Variants in MSRA observed in about 807,000 individuals in gnomAD.
The protein encoded by MSRA is methionine sulfoxide reductase A, also known as mitochondrial peptide methionine sulfoxide reductase.
MSRA carries 54 observed loss-of-function variants against 31.3 expected under a neutral mutation model. That is an observed-to-expected ratio of 1.73 (90% CI 1.39 to 2.17). The LOEUF (loss-of-function observed/expected upper bound fraction) is 2.17, where lower values mean the gene tolerates loss of function less well. Ranked by LOEUF, MSRA falls within the 30% of genes most tolerant of loss-of-function variation. The probability of loss-of-function intolerance (pLI) is 0.00; values close to 1 mark genes in which losing one functional copy is unlikely to be tolerated. For missense variants in MSRA, 507 were observed against 300.9 expected, an observed-to-expected ratio of 1.69 and a Z score of -5.07; for synonymous variants, 169 against 116.5, an observed-to-expected ratio of 1.45 and a Z score of -2.90.
At chr8:10,247,228 A>G (rs1277901176) in intron 3 of MSRA, among the ~76,000 whole-genome samples, 3 of 152,212 alleles carry the variant, frequency 2.0e-5, no homozygotes, top group Non-Finnish European at 2.9e-5. Context: ...GAAGTATGTC[A>G]GCTTCTATCT....
At chr8:10,388,770 G>A (rs992006107) in intron 5 of MSRA, among the ~76,000 whole-genome samples, 1 of 151,904 alleles carries the variant, frequency 6.6e-6, no homozygotes, top group Non-Finnish European at 1.5e-5. Context: ...TCCGTGTTGG[G>A]GGAGGGGAAG....
At chr8:10,259,769 C>T (rs35226696) in intron 3 of MSRA, among the ~76,000 whole-genome samples, 31,470 of 152,130 alleles carry the variant, frequency 0.21, 3,907 homozygotes, top group Admixed American at 0.32. Flanking sequence ...CACCCTCTCC[C>T]GGACCTCAGC....
intron 3 of MSRA, among the ~76,000 whole-genome samples, chr8:10,267,214 A>G (rs1272845521): frequency 6.6e-6 from 1 of 152,196 alleles, no homozygotes; most frequent in Non-Finnish European, 1.5e-5. Flanking sequence ...CACAGTGCTT[A>G]ATCATGTAAT....
chr8:10,366,194 G>C (rs1046594653), intron 5 of MSRA, among the ~76,000 whole-genome samples: 1 of 152,258 alleles, frequency 6.6e-6, no homozygotes, highest in African/African-American at 2.4e-5. Flanking sequence ...GAGAGAAAGA[G>C]AAGAGGCTTC....
At chr8:10,359,032 C>T (rs1037125768) in intron 5 of MSRA, among the ~76,000 whole-genome samples, 8 of 152,196 alleles carry the variant, frequency 5.3e-5, no homozygotes, top group Non-Finnish European at 8.8e-5. Flanking sequence ...CCCCCCATCC[C>T]GATCCCCACC....
At chr8:10,164,438 G>A (rs1237858598) in intron 1 of MSRA, among the ~76,000 whole-genome samples, 7 of 152,120 alleles carry the variant, frequency 4.6e-5, no homozygotes. Flanking sequence ...AATGGCCCTC[G>A]TTAGCTTCCT....
chr8:10,180,426 G>A (rs979678675), intron 1 of MSRA, among the ~76,000 whole-genome samples: 3 of 152,096 alleles, frequency 2.0e-5, no homozygotes, highest in Non-Finnish European at 2.9e-5. Context: ...TTTTTATGGA[G>A]GCTTCATTAT....
chr8:10,317,554 C>G (rs577903026), intron 4 of MSRA, among the ~76,000 whole-genome samples: 2 of 152,212 alleles, frequency 1.3e-5, no homozygotes, highest in South Asian at 2.1e-4. Flanking sequence ...TGGTAGATGT[C>G]AGGAGGTCAG....
At chr8:10,299,444 T>C (rs1183448123) in intron 3 of MSRA, among the ~76,000 whole-genome samples, 5 of 152,148 alleles carry the variant, frequency 3.3e-5, no homozygotes, top group African/African-American at 1.2e-4. Context: ...TGTATCTTTT[T>C]CCCAAACTCT....
chr8:10,298,133 C>T (rs913051949), intron 3 of MSRA, among the ~76,000 whole-genome samples: 17 of 152,178 alleles, frequency 1.1e-4, no homozygotes, highest in Non-Finnish European at 2.2e-4. Context: ...TTAATGGGGA[C>T]CATATGTCTC....
chr8:10,238,262 C>G (rs1300570074), intron 2 of MSRA, among the ~76,000 whole-genome samples: 1 of 152,214 alleles, frequency 6.6e-6, no homozygotes, highest in African/African-American at 2.4e-5. Flanking sequence ...TTTGCAGTCA[C>G]CTTCCCTTGG....
intron 1 of MSRA, among the ~76,000 whole-genome samples, chr8:10,145,095 T>C (rs931990729): frequency 6.6e-6 from 1 of 152,132 alleles, no homozygotes; most frequent in Non-Finnish European, 1.5e-5. Flanking sequence ...GATTACATTG[T>C]TTTGGAGAGA....
intron 3 of MSRA, among the ~76,000 whole-genome samples, chr8:10,285,098 A>G (rs1380149806): frequency 2.0e-5 from 3 of 151,490 alleles, no homozygotes; most frequent in Non-Finnish European, 4.4e-5. Flanking sequence ...TGTATTGTTC[A>G]GCAGTATGGA....
At chr8:10,195,423 C>T (rs116789227) in intron 1 of MSRA, among the ~76,000 whole-genome samples, 7,551 of 152,184 alleles carry the variant, frequency 0.05, 420 homozygotes, top group African/African-American at 0.13. Flanking sequence ...TGTATTTTAG[C>T]AGAGATGGGG....
At chr8:10,235,569 G>T (rs1050504557) in intron 2 of MSRA, among the ~76,000 whole-genome samples, 8 of 152,054 alleles carry the variant, frequency 5.3e-5, no homozygotes, top group Admixed American at 1.3e-4. Context: ...AGAAAGGAAA[G>T]ATGATAAAGA....
intron 1 of MSRA, among the ~76,000 whole-genome samples, chr8:10,187,851 A>G (rs1055678762): frequency 3.9e-5 from 6 of 152,210 alleles, no homozygotes; most frequent in East Asian, 1.9e-4. Flanking sequence ...AGAACTATCA[A>G]TTATTTGATC....
intron 1 of MSRA, among the ~76,000 whole-genome samples, chr8:10,139,967 T>C (rs191952880): frequency 1.3e-5 from 2 of 152,302 alleles, no homozygotes; most frequent in East Asian, 1.9e-4. Context: ...GGCTGAGTCA[T>C]CTATAGCAAA....
At chr8:10,085,560 G>A (rs1798518006) in intron 1 of MSRA, among the ~76,000 whole-genome samples, 1 of 152,132 alleles carries the variant, frequency 6.6e-6, no homozygotes, top group Non-Finnish European at 1.5e-5. Flanking sequence ...ACCTTGGATG[G>A]TTTCTATGTT....
At chr8:10,243,823 T>A (rs1797466134) in intron 2 of MSRA, among the ~76,000 whole-genome samples, 1 of 152,206 alleles carries the variant, frequency 6.6e-6, no homozygotes, top group African/African-American at 2.4e-5. Flanking sequence ...TAGGTAATTA[T>A]GATATCACAA....
Sources: gnomAD v4.1 joint callset for allele counts (sites outside exome capture counted in the v4.1 genomes callset) on GRCh38, gnomAD v4.1.1 for gene constraint, MANE v1.5 for transcripts, NCBI Gene and HGNC (gene_info 2026-07-23, HGNC 2026-07-21) for gene names.